The following GET1 variants were observed in gnomAD, a reference collection of about 807,000 sequenced individuals.
GET1 encodes congenital heart disease 5 protein.
A neutral mutation model predicts 22.6 loss-of-function variants in GET1; 20 were observed. The observed-to-expected ratio is 0.89, with a 90% confidence interval of 0.62 to 1.29. The LOEUF (loss-of-function observed/expected upper bound fraction) is 1.29. Among genes scored for constraint, GET1 ranks in the 50% most tolerant of loss-of-function variants. The pLI, the probability that GET1 is intolerant of heterozygous loss-of-function variation, is 0.00. For missense variants in GET1, 209 were observed against 219.9 expected, an observed-to-expected ratio of 0.95 and a Z score of 0.31; for synonymous variants, 92 against 83.8, an observed-to-expected ratio of 1.10 and a Z score of -0.53.
chr21:39,380,819 G>C, intron 1 of GET1: 2 of 1,016,254 alleles, frequency 2.0e-6, no homozygotes, highest in Non-Finnish European at 2.4e-6. Flanking sequence ...AGAGGCATTC[G>C]AGCAGCCCTC....
chr21:39,381,044 G>A, intron 1 of GET1: 1 of 724,946 alleles, frequency 1.4e-6, no homozygotes, highest in Non-Finnish European at 1.7e-6. Context: ...CATTACCTCT[G>A]TCTCACGGCT....
chr21:39,389,000 T>G (rs1425390732), intron 1 of GET1, among the ~76,000 whole-genome samples: 4 of 152,130 alleles, frequency 2.6e-5, no homozygotes, highest in Non-Finnish European at 5.9e-5. Context: ...AAACCACAGA[T>G]CTCCAATTGA....
intron 4 of GET1, among the ~76,000 whole-genome samples, chr21:39,395,521 G>A (rs1392668879): frequency 2.0e-5 from 3 of 151,820 alleles, no homozygotes; most frequent in Admixed American, 2.0e-4. Flanking sequence ...CCCACCACAC[G>A]CCCGACTAGT....
chr21:39,421,250 C>T (rs2042260022), intron 1 of GET1, among the ~76,000 whole-genome samples: 1 of 152,076 alleles, frequency 6.6e-6, no homozygotes, highest in Non-Finnish European at 1.5e-5. Flanking sequence ...TACAGGTGCA[C>T]ACCACCATGC....
chr21:39,398,631 G>C (rs1483061593), downstream of GET1, among the ~76,000 whole-genome samples: 1 of 68,890 alleles, frequency 1.5e-5, no homozygotes. Context: ...TTTTTTTTTT[G>C]AGATGGGAGT....
intron 4 of GET1, among the ~76,000 whole-genome samples, chr21:39,403,870 C>T (rs1220428441): frequency 6.6e-6 from 1 of 152,246 alleles, no homozygotes; most frequent in East Asian, 1.9e-4. Flanking sequence ...GATCGCCCGC[C>T]TCAGCCTCCC....
chr21:39,387,797 G>A (rs953299456), intron 1 of GET1: 77 of 985,628 alleles, frequency 7.8e-5, no homozygotes, highest in Non-Finnish European at 9.3e-5. Context: ...CTGGCGGGTC[G>A]CGGCTTCCAA....
At chr21:39,421,923 T>C (rs1167415732) in intron 1 of GET1, 1 of 152,194 alleles carries the variant, frequency 6.6e-6, no homozygotes, top group Non-Finnish European at 1.5e-5. Context: ...TGTATAGATA[T>C]AAAAACATGA....
chr21:39,423,331 A>G (rs749466145), intron 1 of GET1: 9 of 1,613,084 alleles, frequency 5.6e-6, no homozygotes, highest in East Asian at 2.2e-5. Context: ...TTTATGATGC[A>G]TATCAGCTAA....
chr21:39,384,098 A>T (rs1386287854), intron 1 of GET1, among the ~76,000 whole-genome samples: 2 of 146,224 alleles, frequency 1.4e-5, no homozygotes, highest in African/African-American at 5.1e-5. Context: ...GTCTCATTTT[A>T]GTTTTGATTT....
At chr21:39,423,587 A>G (rs1030054224) in intron 1 of GET1, 2 of 991,394 alleles carry the variant, frequency 2.0e-6, no homozygotes, top group African/African-American at 3.3e-5. Context: ...CCATGCACAC[A>G]CACCACACAC....
intron 3 of GET1, 35 bp downstream of exon 3, chr21:39,391,871 G>A (rs769325941): frequency 3.7e-6 from 6 of 1,608,644 alleles, no homozygotes; most frequent in South Asian, 3.3e-5. Flanking sequence ...GGTCATTGGA[G>A]TTGGTGACCC....
chr21:39,410,388 A>G (rs765981662), downstream of GET1: 1 of 1,272,936 alleles, frequency 7.9e-7, no homozygotes, highest in Admixed American at 2.1e-5. Flanking sequence ...GGTAGATTAT[A>G]TGTAAGAAAC....
At chr21:39,385,126 A>C (rs56034705) in intron 1 of GET1, among the ~76,000 whole-genome samples, 2,332 of 152,262 alleles carry the variant, frequency 0.015, 29 homozygotes, top group Non-Finnish European at 0.023. Flanking sequence ...GGAAAGACTC[A>C]TGACAAGCAG....
chr21:39,423,562 C>T, intron 1 of GET1: 1 of 1,319,480 alleles, frequency 7.6e-7, no homozygotes, highest in South Asian at 1.5e-5. Flanking sequence ...TATGCATAAT[C>T]TCTCTCCCAT....
At chr21:39,400,200 C>CA (rs2038806150), downstream of GET1, among the ~76,000 whole-genome samples, 1 of 23,054 alleles carries the variant, frequency 4.3e-5, no homozygotes, top group South Asian at 2.1e-3. Context: ...GTGCTGACAG[C>CA]CCCCCGGAAC....
chr21:39,420,152 C>G (rs767580923), intron 1 of GET1, among the ~76,000 whole-genome samples: 1 of 152,066 alleles, frequency 6.6e-6, no homozygotes, highest in Non-Finnish European at 1.5e-5. Flanking sequence ...AAGCTGTTAA[C>G]TCATTCTAAT....
chr21:39,396,306 C>T lies in GET1; in HGVS notation c.452-560C>T, dbSNP rs144200773. Among the ~76,000 whole-genome samples the T allele has an allele frequency of 2.5e-3, 385 of 151,658 alleles. 3 individuals are homozygous for T. The highest frequency in any genetic ancestry group is 8.5e-3 in the African/African-American group (350 of 41,354). ...CTGTAATCCCAGCACTTTGGGAGGT[C>T]GGGGCGGGCAGATCATGAGTTCAGG... On this transcript the variant is annotated intron_variant, in intron 4 of 4. Transcript: ENST00000649170.
Position 39,390,831 on chromosome 21 carries a change from T to C in GET1, c.236T>C (p.Ile79Thr), listed in dbSNP as rs2038252089. The C allele has an allele frequency of 1.9e-6, 3 of 1,614,124 alleles. No homozygotes were observed. The highest frequency in any genetic ancestry group is 2.5e-6 in the Non-Finnish European group (3 of 1,180,024). ...AGATATGCCAGGCTGGAAAGAAAGA[T>C]CAACAAGATGACGGATAAGCTCAAA... ...FARYARLERK[I>T]NKMTDKLKTH... Residue 79 changes from isoleucine (I) to threonine (T), a missense_variant, in exon 2 of 5, where the codon ATC (isoleucine) becomes ACC (threonine). By Grantham distance (89) the Ile-to-Thr change is moderately conservative (BLOSUM62 -1). Transcript: ENST00000649170.
Sources: allele counts gnomAD v4.1 joint callset (sites outside exome capture counted in the v4.1 genomes callset), GRCh38; gene constraint gnomAD v4.1.1; transcripts MANE v1.5; gene names NCBI Gene and HGNC (gene_info 2026-07-23, HGNC 2026-07-21).